The following PCDH15 variants were observed in gnomAD, a reference collection of about 807,000 sequenced individuals.
The protein encoded by PCDH15 is protocadherin-15.
A neutral mutation model predicts 178.5 loss-of-function variants in PCDH15; 129 were observed. That is an observed-to-expected ratio of 0.72 (90% CI 0.63 to 0.84). PCDH15 has a LOEUF of 0.84. Ranked by LOEUF, PCDH15 falls within the 40% of genes least tolerant of loss-of-function variation. The pLI, the probability that PCDH15 is intolerant of heterozygous loss-of-function variation, is 0.00. For synonymous variants in PCDH15, 800 were observed against 732.0 expected (o/e 1.09, Z -1.50); for missense variants, 2,230 against 2,099.9 (o/e 1.06, Z -1.21).
At chr10:54,589,534 T>C (rs988791356) in intron 2 of PCDH15, among the ~76,000 whole-genome samples, 1 of 152,230 alleles carries the variant, frequency 6.6e-6, no homozygotes, top group Non-Finnish European at 1.5e-5. Flanking sequence ...TATTTGTTAA[T>C]TTTATTGTTT....
In PCDH15 at chr10:54,710,209, G is replaced by A. The variant is rs2095414411; in HGVS notation, c.-28-45919C>T. On this transcript the variant is annotated intron_variant, in intron 1 of 37. Coordinates refer to ENST00000644397, the MANE Select transcript of PCDH15 (RefSeq NM_001384140.1). ...GATCAATGCAATCAGTCCCACTCAA[G>A]TGGACGATCATGCAATGATTCTTTA... is the stretch of plus-strand genomic sequence containing the variant. Among the ~76,000 whole-genome samples, 3 of 151,894 alleles carry A rather than the reference G, an allele frequency of 2.0e-5. 1 individual carries two copies. In the South Asian group the frequency reaches 6.2e-4, roughly 31 times the overall value.
chr10:54,387,374 A>G (rs1950047510), intron 3 of PCDH15, among the ~76,000 whole-genome samples: 1 of 152,190 alleles, frequency 6.6e-6, no homozygotes, highest in Non-Finnish European at 1.5e-5. Flanking sequence ...GTATATACAC[A>G]AAAGGAATAT....
intron 3 of PCDH15, among the ~76,000 whole-genome samples, chr10:54,497,987 G>A (rs1033056892): frequency 5.3e-5 from 8 of 151,666 alleles, no homozygotes; most frequent in African/African-American, 1.5e-4. Flanking sequence ...GATGACTATC[G>A]CCAAGATATA....
intron 2 of PCDH15, among the ~76,000 whole-genome samples, chr10:55,395,797 T>G (rs901947580): frequency 1.2e-4 from 19 of 152,048 alleles, no homozygotes; most frequent in Non-Finnish European, 2.5e-4. Flanking sequence ...TCTCTGGGTT[T>G]TATTTACATG....
At chr10:54,275,178 C>G (rs1239303018) in intron 8 of PCDH15, among the ~76,000 whole-genome samples, 3 of 143,638 alleles carry the variant, frequency 2.1e-5, no homozygotes, top group Non-Finnish European at 3.1e-5. Flanking sequence ...AGTGACCTTT[C>G]AACAACCAAT....
intron 2 of PCDH15, among the ~76,000 whole-genome samples, chr10:55,097,947 T>C (rs1842484877): frequency 6.6e-6 from 1 of 152,066 alleles, no homozygotes; most frequent in African/African-American, 2.4e-5. Flanking sequence ...CACTCAACAC[T>C]ACCCTTAGAA....
intron 1 of PCDH15, among the ~76,000 whole-genome samples, chr10:55,200,676 T>C (rs1210518578): frequency 2.0e-5 from 3 of 152,064 alleles, no homozygotes; most frequent in Non-Finnish European, 4.4e-5. Flanking sequence ...CATGTTGAAT[T>C]GAAATTTCTA....
chr10:54,959,584 T>G (rs1838588841), intron 2 of PCDH15, among the ~76,000 whole-genome samples: 1 of 152,022 alleles, frequency 6.6e-6, no homozygotes. Flanking sequence ...GAAATTAATA[T>G]CACTAATAGT....
At chr10:55,336,681 C>G (rs979017500) in intron 2 of PCDH15, among the ~76,000 whole-genome samples, 1 of 152,068 alleles carries the variant, frequency 6.6e-6, no homozygotes. Flanking sequence ...ATTCCATCCT[C>G]TACCCTTTCA....
At chr10:54,973,960 C>G (rs1273494043) in intron 2 of PCDH15, among the ~76,000 whole-genome samples, 1 of 151,754 alleles carries the variant, frequency 6.6e-6, no homozygotes, top group East Asian at 1.9e-4. Flanking sequence ...CCTTTATTTA[C>G]TAAATCAGGA....
chr10:53,820,040 T>C (rs1242804402), intron 33 of PCDH15, 125 bp downstream of exon 33: 1 of 392,046 alleles, frequency 2.6e-6, no homozygotes, highest in African/African-American at 2.1e-5. Flanking sequence ...GGACTTCTCT[T>C]ATTTCTTTTG....
chr10:54,641,388 T>C (rs963871883), intron 2 of PCDH15, among the ~76,000 whole-genome samples: 4 of 152,172 alleles, frequency 2.6e-5, no homozygotes, highest in African/African-American at 7.2e-5. Context: ...CCAGTAGTTA[T>C]TGAATTAACT....
intron 21 of PCDH15, among the ~76,000 whole-genome samples, chr10:53,990,862 C>T (rs1589796484): frequency 6.6e-6 from 1 of 152,090 alleles, no homozygotes; most frequent in Non-Finnish European, 1.5e-5. Flanking sequence ...TGGGCCAGCA[C>T]GAGTTCCAGG....
At chr10:54,713,638 C>T (rs183924098) in intron 1 of PCDH15, among the ~76,000 whole-genome samples, 16 of 152,162 alleles carry the variant, frequency 1.1e-4, no homozygotes, top group Non-Finnish European at 1.2e-4. Flanking sequence ...ATCAATATGT[C>T]TAAAATCTTC....
At chr10:55,468,521 G>C (rs1839888412) in intron 2 of PCDH15, 1 of 152,098 alleles carries the variant, frequency 6.6e-6, no homozygotes, top group African/African-American at 2.4e-5. Context: ...GTGAAACATA[G>C]ATTATAGAAC....
At chr10:54,252,181 G>A (rs2132110609) in intron 8 of PCDH15, among the ~76,000 whole-genome samples, 2 of 152,110 alleles carry the variant, frequency 1.3e-5, no homozygotes, top group South Asian at 4.1e-4. Flanking sequence ...CACTAGTCTT[G>A]GCAAAAATCG....
At chr10:54,599,745 G>A in intron 2 of PCDH15, 1 of 479,778 alleles carries the variant, frequency 2.1e-6, no homozygotes, top group Non-Finnish European at 3.9e-6. Flanking sequence ...AAGAAGAAGA[G>A]GAGGTAAAAG....
intron 1 of PCDH15, among the ~76,000 whole-genome samples, chr10:55,290,499 C>A (rs1268678231): frequency 6.6e-6 from 1 of 151,960 alleles, no homozygotes; most frequent in Non-Finnish European, 1.5e-5. Context: ...TGAAAATTTG[C>A]TTTTATTGGG....
chr10:54,202,666 G>C (rs898471710), intron 10 of PCDH15, among the ~76,000 whole-genome samples: 1 of 151,900 alleles, frequency 6.6e-6, no homozygotes, highest in African/African-American at 2.4e-5. Flanking sequence ...TACACAATTA[G>C]CCGGGCATGG....
Sources: allele counts gnomAD v4.1 joint callset (sites outside exome capture counted in the v4.1 genomes callset), GRCh38; gene constraint gnomAD v4.1.1; transcripts MANE v1.5; gene names NCBI Gene and HGNC (gene_info 2026-07-23, HGNC 2026-07-21).